GUSB: variants seen among roughly 807,000 people sequenced by gnomAD.
GUSB encodes the protein beta-glucuronidase.
A neutral mutation model predicts 74.6 loss-of-function variants in GUSB; 51 were observed. The observed-to-expected ratio is 0.68, with a 90% CI of 0.55 to 0.86. The LOEUF is 0.86. GUSB is among the 40% of genes least tolerant of loss of function. The pLI is 0.00. For synonymous variants in GUSB, 360 were observed against 348.3 expected (o/e 1.03, Z -0.37); for missense variants, 736 against 853.7 (o/e 0.86, Z 1.72).
At chr7:65,972,936 G>A (rs1791309991) in intron 8 of GUSB, among the ~76,000 whole-genome samples, 1 of 152,238 alleles carries the variant, frequency 6.6e-6, no homozygotes, top group East Asian at 1.9e-4. Flanking sequence ...TGAAATTGGG[G>A]TGTGCTGTAT....
At chr7:65,967,468 T>C (rs918216567) in intron 10 of GUSB, among the ~76,000 whole-genome samples, 4 of 151,920 alleles carry the variant, frequency 2.6e-5, no homozygotes, top group Non-Finnish European at 4.4e-5. Context: ...AAATACAAAT[T>C]TGGATCTGTT....
Position 65,979,170 on chromosome 7 carries a change from CTG to C in GUSB, c.724+227_724+228del, listed in dbSNP as rs1466270261. ...GAAGGGACAGGATTGCCACCCCGAG[CTG>C]TGTGACGTTAGGCCAGACCCCTCTT... On this transcript the variant is annotated intron_variant, in intron 4 of 11. Coordinates refer to ENST00000304895, the MANE Select transcript of GUSB (RefSeq NM_000181.4). 3.9e-5 allele frequency among the ~76,000 whole-genome samples: 6 copies of C among 152,262 alleles called. No homozygotes were observed. The East Asian group carries it at 1.2e-3, about 29-fold the overall frequency.
Position 65,974,365 on chromosome 7 carries a change from G to A in GUSB, c.1321C>T (p.Pro441Ser). ...GCCACAGACCACATCACGACCGCGG[G>A]GTGGTTCTTGTCCCTACGCACCACT... ...EEVVRRDKNH[P>S]AVVMWSVANE... Residue 441 changes from proline (P) to serine (S), a missense_variant, in exon 8 of 12, where the codon CCC becomes TCC. Pro to Ser is a moderately conservative substitution (Grantham distance 74, BLOSUM62 -1). This residue lies in a region of GUSB where 368 missense variants were observed against 489.9 expected (regional missense o/e 0.75). Transcript: ENST00000304895. 6.2e-7 allele frequency: 1 copy of A among 1,613,978 alleles called. No individual in the cohort carries two copies. Among genetic ancestry groups the A allele is most frequent in the South Asian group, 1.1e-5 (1 of 91,076 alleles).
In GUSB at chr7:65,974,964, C is replaced by T. The variant is rs372851133; in HGVS notation, c.1020G>A (p.Gly340=). The T allele has an allele frequency of 2.3e-4, 364 of 1,613,746 alleles. No homozygotes were observed. The highest frequency in any genetic ancestry group is 2.8e-4 in the Non-Finnish European group (335 of 1,179,818). The change falls in exon 6 of 12, where the codon GGG becomes GGA. Residue 340 remains glycine, a synonymous_variant. Transcript: ENST00000304895. ...TGACACCGTGGAAATAGAAAGGTTTCCCATTGATGAGGAACTGGCTCTTGG... is the reference window on the plus strand; with the variant it reads ...TGACACCGTGGAAATAGAAAGGTTTTCCATTGATGAGGAACTGGCTCTTGG... The part of the protein sequence containing the change: ...AVTKSQFLIN[G]KPFYFHGVNK...
At chr7:65,981,003 T>C (rs1791973087) in intron 1 of GUSB, among the ~76,000 whole-genome samples, 1 of 152,212 alleles carries the variant, frequency 6.6e-6, no homozygotes, top group Non-Finnish European at 1.5e-5. Flanking sequence ...AGGGACTTCC[T>C]GCCTCGGCAG....
chr7:65,961,242 G>A (rs1790476078), intron 11 of GUSB, among the ~76,000 whole-genome samples, 179 bp from the exon 12 acceptor site: 1 of 151,862 alleles, frequency 6.6e-6, no homozygotes, highest in African/African-American at 2.4e-5. Flanking sequence ...TCAACCTCCT[G>A]GGCTCAGGCA....
rs567066124 is a variant in GUSB at position 65,982,013 on chromosome 7, C to T, written c.171G>A (p.Arg57=). 1.2e-6 allele frequency: 2 copies of T among 1,610,002 alleles called. No individual in the cohort carries two copies. Among genetic ancestry groups the T allele is most frequent in the South Asian group, 1.1e-5 (1 of 90,848 alleles). Residue 57 remains arginine (R), a synonymous_variant, in exon 1 of 12, where the codon CGG becomes CGA. Transcript: ENST00000304895. ...FRADFSDNRR[R]GFEEQWYRRP... is the part of the protein sequence containing the mutation. The stretch of plus-strand genomic sequence containing the variant: ...GCCGGTACCACTGCTCCTCGAAGCC[C>T]CGGCGTCGGTTGTCAGAGAAGTCGG...
In GUSB at chr7:65,981,958, T is replaced by C. The variant is rs1256237207; in HGVS notation, c.210+16A>G. The C allele has an allele frequency of 6.2e-7, 1 of 1,600,022 alleles. No individual in the cohort carries two copies. Among genetic ancestry groups the C allele is most frequent in the Non-Finnish European group, 8.5e-7 (1 of 1,176,052 alleles). ...CGGGCTTTCGGGCGCCTCCCGGCCC[T>C]GCCCCGAGATCGCACCTCCCACAGC... On this transcript the variant is annotated intron_variant, in intron 1 of 11. Transcript: ENST00000304895.
intron 8 of GUSB, among the ~76,000 whole-genome samples, chr7:65,972,616 C>T (rs911458939): frequency 3.3e-5 from 5 of 152,174 alleles, no homozygotes; most frequent in African/African-American, 9.7e-5. Flanking sequence ...CCCACACTCT[C>T]CAACAGCCAG....
chr7:65,981,934 G>A, intron 1 of GUSB, 40 bp downstream of exon 1: 2 of 1,555,666 alleles, frequency 1.3e-6, no homozygotes, highest in Non-Finnish European at 1.7e-6. Context: ...TCCCACCGCC[G>A]GGCTTTCGGG....
intron 8 of GUSB, among the ~76,000 whole-genome samples, chr7:65,971,502 G>T (rs1176834390): frequency 6.6e-6 from 1 of 152,134 alleles, no homozygotes; most frequent in Admixed American, 6.5e-5. Context: ...GCCGAGGCGG[G>T]TGGATCATGA....
Position 65,979,475 on chromosome 7 carries a change from C to T in GUSB, c.648G>A (p.Arg216=). The change falls in exon 4 of 12, where the codon CGG becomes CGA. Residue 216 remains arginine (R), a synonymous_variant. Transcript: ENST00000304895. ...FDFFNYAGLQ[R]SVLLYTTPTT... ...TGGGTGTCGTGTACAGAAGTACAGACCGCTGCAGTCCAGCGTAGTTGAAAA... is the reference window on the plus strand; with the variant it reads ...TGGGTGTCGTGTACAGAAGTACAGATCGCTGCAGTCCAGCGTAGTTGAAAA... 6.2e-7 allele frequency: 1 copy of T among 1,613,602 alleles called. No individual in the cohort carries two copies. Among genetic ancestry groups the T allele is most frequent in the Non-Finnish European group, 8.5e-7 (1 of 1,179,510 alleles).
chr7:65,961,944 G>C (rs1790529178), intron 11 of GUSB, among the ~76,000 whole-genome samples: 1 of 151,800 alleles, frequency 6.6e-6, no homozygotes, highest in African/African-American at 2.4e-5. Context: ...AGAGGTTGCA[G>C]TGAGCTGAGA....
At chr7:65,977,731 T>C (rs1365152573) in intron 4 of GUSB, among the ~76,000 whole-genome samples, 1 of 151,470 alleles carries the variant, frequency 6.6e-6, no homozygotes, top group African/African-American at 2.4e-5. Context: ...ACAACGGCTG[T>C]CAATAATCTC....
intron 11 of GUSB, 147 bp from the exon 12 acceptor site, chr7:65,961,210 A>G: frequency 1.3e-6 from 1 of 777,572 alleles, no homozygotes. Flanking sequence ...ATGCGGTGAC[A>G]CAATCATAGC....
Position 65,974,438 on chromosome 7 carries a change from C to G in GUSB, c.1248G>C (p.Gln416His). Residue 416 changes from glutamine (Q) to histidine (H), a missense_variant, in exon 8 of 12, where the codon CAG (glutamine) becomes CAC (histidine). Physicochemically the swap from Gln to His is conservative, Grantham distance 24. This residue lies in a region of GUSB where 368 missense variants were observed against 489.9 expected (regional missense o/e 0.75). Transcript: ENST00000304895. ...ECPGVGLALP[Q>H]FFNNVSLHHH... ...GATGCAGAGAAACGTTGTTGAAGAA[C>G]TGCCTGCGGGCCAGGAGGGAAGGGA... 1 of 1,614,208 alleles carries G rather than the reference C, an allele frequency of 6.2e-7. No individual in the cohort carries two copies.
At chr7:65,981,886 C>T (rs1792050593) in intron 1 of GUSB, 88 bp downstream of exon 1, 3 of 1,199,002 alleles carry the variant, frequency 2.5e-6, no homozygotes, top group Admixed American at 2.3e-5. Flanking sequence ...CGGAGACGCC[C>T]AGGGGAAGAA....
chr7:65,962,579 AGACC>A (rs1292409194), intron 11 of GUSB, among the ~76,000 whole-genome samples: 1 of 152,056 alleles, frequency 6.6e-6, no homozygotes, highest in Non-Finnish European at 1.5e-5. Context: ...TTTCTTTTTA[AGACC>A]GAGTTTCAGC....
At chr7:65,964,612 C>T (rs562987319) in intron 10 of GUSB, among the ~76,000 whole-genome samples, 154 bp from the exon 11 acceptor site, 2 of 151,942 alleles carry the variant, frequency 1.3e-5, no homozygotes, top group African/African-American at 2.4e-5. Flanking sequence ...GTAAAGACAG[C>T]CAGGGAATGA....
Sources: allele counts gnomAD v4.1 joint callset (sites outside exome capture counted in the v4.1 genomes callset), GRCh38; gene constraint gnomAD v4.1.1; regional missense constraint gnomAD v4.1.1; transcripts MANE v1.5; gene names NCBI Gene and HGNC (gene_info 2026-07-23, HGNC 2026-07-21).